Variants in AGPS observed in about 807,000 individuals in gnomAD.
The protein encoded by AGPS is alkylglycerone phosphate synthase.
In AGPS, 26 loss-of-function variants were observed where a neutral mutation model predicts 90.7. That is an observed-to-expected ratio of 0.29 (90% CI 0.21 to 0.40). The LOEUF (loss-of-function observed/expected upper bound fraction) is 0.40. AGPS is among the 10% of genes least tolerant of loss of function. The pLI, the probability that AGPS is intolerant of heterozygous loss-of-function variation, is 1.00. For synonymous variants in AGPS, 294 were observed against 285.3 expected (o/e 1.03, Z -0.31); for missense variants, 540 against 816.1 (o/e 0.66, Z 4.12).
chr2:177,428,086 T>G (rs900407408), intron 2 of AGPS, among the ~76,000 whole-genome samples: 6 of 152,216 alleles, frequency 3.9e-5, no homozygotes, highest in Non-Finnish European at 8.8e-5. Context: ...TGTAATGCTC[T>G]TCTTTGTCTT....
intron 1 of AGPS, among the ~76,000 whole-genome samples, chr2:177,411,660 A>G (rs1183653773): frequency 6.6e-6 from 1 of 152,230 alleles, no homozygotes; most frequent in East Asian, 1.9e-4. Context: ...TGTCAGATCA[A>G]AGGATTGTCC....
At chr2:177,462,146 T>C in intron 9 of AGPS, 128 bp downstream of exon 9, 3 of 749,084 alleles carry the variant, frequency 4.0e-6, no homozygotes, top group Non-Finnish European at 5.9e-6. Flanking sequence ...ATCCCAGCAC[T>C]TTGGGAGGCC....
chr2:177,486,911 A>T (rs1053514222), intron 11 of AGPS, among the ~76,000 whole-genome samples: 6 of 151,620 alleles, frequency 4.0e-5, no homozygotes, highest in African/African-American at 1.5e-4. Context: ...GATTAATGTG[A>T]TTCTTTCTCA....
intron 1 of AGPS, among the ~76,000 whole-genome samples, chr2:177,405,355 G>A (rs969030035): frequency 1.3e-5 from 2 of 152,204 alleles, no homozygotes; most frequent in African/African-American, 4.8e-5. Flanking sequence ...ACCAACTCTG[G>A]TTATCATGCA....
chr2:177,477,737 A>G (rs1687825120), intron 10 of AGPS, among the ~76,000 whole-genome samples: 3 of 152,130 alleles, frequency 2.0e-5, no homozygotes, highest in Non-Finnish European at 2.9e-5. Context: ...GTGGGTTTAC[A>G]TTACCATCTG....
At chr2:177,510,279 T>C (rs1688832289) in intron 16 of AGPS, among the ~76,000 whole-genome samples, 1 of 152,194 alleles carries the variant, frequency 6.6e-6, no homozygotes, top group East Asian at 1.9e-4. Flanking sequence ...TACCTGCACC[T>C]GGAGGAAAGC....
chr2:177,450,621 G>A (rs997934588), intron 8 of AGPS, among the ~76,000 whole-genome samples: 3 of 152,022 alleles, frequency 2.0e-5, no homozygotes, highest in Non-Finnish European at 2.9e-5. Flanking sequence ...TCTGCTTCTA[G>A]TTCTGGACTC....
chr2:177,392,825 C>T lies in AGPS; in HGVS notation c.36C>T (p.Gly12=). 1 of 1,551,700 alleles carries T rather than the reference C, an allele frequency of 6.4e-7. No individual in the cohort carries two copies. Among genetic ancestry groups the T allele is most frequent in the Non-Finnish European group, 8.7e-7 (1 of 1,155,526 alleles). ...AEAAAAAGGT[G]LGAGASYGSA... ...CGGCGGCTGCAGCGGGTGGGACTGG[C>T]TTGGGCGCGGGCGCGAGCTACGGGT... The change falls in exon 1 of 20, where the codon GGC becomes GGT. Residue 12 remains glycine (G), a synonymous_variant. Transcript: ENST00000264167.
At chr2:177,519,527 T>G (rs1689119628) in intron 17 of AGPS, among the ~76,000 whole-genome samples, 1 of 152,256 alleles carries the variant, frequency 6.6e-6, no homozygotes, top group African/African-American at 2.4e-5. Context: ...GAGTTTCTTC[T>G]AGTGCATTTA....
At chr2:177,503,615 G>A (rs11689608) in intron 14 of AGPS, among the ~76,000 whole-genome samples, 21,479 of 152,120 alleles carry the variant, frequency 0.14, 2,073 homozygotes, top group Middle Eastern at 0.24. Context: ...AGTCATTTTG[G>A]AGTGATTACA....
At position 177,392,982 on chromosome 2, in the gene AGPS, T is replaced by TCGGCGGCCACGG; in HGVS notation, c.195_206dup (p.Ala67_Ala70dup). The TCGGCGGCCACGG allele has an allele frequency of 6.5e-7, 1 of 1,549,888 alleles. No homozygotes were observed. On this transcript the variant is annotated inframe_insertion, in exon 1 of 20. Coordinates refer to ENST00000264167, the MANE Select transcript of AGPS (RefSeq NM_003659.4). ...TGAGTGCAAAGCGCGGAGAGCCGCG[T>TCGGCGGCCACGG]CGGCGGCCACGGCAGCGCCCACGGC...
intron 8 of AGPS, among the ~76,000 whole-genome samples, chr2:177,456,864 T>C (rs1201248392): frequency 6.6e-6 from 1 of 152,140 alleles, no homozygotes. Flanking sequence ...TACAGAACTC[T>C]CCACCCCAAA....
intron 1 of AGPS, among the ~76,000 whole-genome samples, chr2:177,412,006 G>A (rs1034983391): frequency 6.6e-5 from 10 of 152,146 alleles, no homozygotes; most frequent in Admixed American, 3.3e-4. Context: ...CCCACATAAC[G>A]GTCGAGAGCT....
intron 1 of AGPS, among the ~76,000 whole-genome samples, chr2:177,398,887 A>G (rs1685257112): frequency 6.6e-6 from 1 of 152,234 alleles, no homozygotes; most frequent in African/African-American, 2.4e-5. Flanking sequence ...ACCCAAGATC[A>G]GAGAAGAAAG....
intron 10 of AGPS, among the ~76,000 whole-genome samples, chr2:177,476,386 A>G (rs1687782485): frequency 6.6e-6 from 1 of 152,028 alleles, no homozygotes; most frequent in Non-Finnish European, 1.5e-5. Flanking sequence ...CATTCTTCTC[A>G]AACTGTTTTC....
intron 1 of AGPS, among the ~76,000 whole-genome samples, chr2:177,403,048 C>CT (rs1325514834): frequency 1.2e-4 from 18 of 152,118 alleles, no homozygotes; most frequent in African/African-American, 4.1e-4. Flanking sequence ...CAGAGCAAGA[C>CT]TCTGTCTCAA....
chr2:177,486,962 A>G (rs1034364690), intron 11 of AGPS, among the ~76,000 whole-genome samples: 18 of 151,914 alleles, frequency 1.2e-4, no homozygotes, highest in African/African-American at 4.3e-4. Flanking sequence ...TATTCAGTAG[A>G]TGGGTAAATG....
At chr2:177,438,498 T>G (rs2105633120) in intron 5 of AGPS, among the ~76,000 whole-genome samples, 1 of 152,322 alleles carries the variant, frequency 6.6e-6, no homozygotes, top group African/African-American at 2.4e-5. Flanking sequence ...TCACAAAAGT[T>G]TCTTTGCTTT....
intron 1 of AGPS, among the ~76,000 whole-genome samples, chr2:177,407,935 T>C (rs1329798888): frequency 1.3e-5 from 2 of 151,924 alleles, no homozygotes; most frequent in Non-Finnish European, 2.9e-5. Flanking sequence ...ATTATAGGTA[T>C]GTGCCACCAT....
Sources: gnomAD v4.1 joint callset for allele counts (sites outside exome capture counted in the v4.1 genomes callset) on GRCh38, gnomAD v4.1.1 for gene constraint, MANE v1.5 for transcripts, NCBI Gene and HGNC (gene_info 2026-07-23, HGNC 2026-07-21) for gene names.